The following PROSER2 variants were observed in gnomAD, a reference collection of about 807,000 sequenced individuals.
PROSER2 encodes the protein proline and serine rich 2, also known as proline and serine-rich protein 2.
A neutral mutation model predicts 14.6 loss-of-function variants in PROSER2; 18 were observed. That is an observed-to-expected ratio of 1.23 (90% CI 0.85 to 1.83). The LOEUF is 1.83. PROSER2 is among the 40% of genes most tolerant of loss of function. The pLI is 0.00. For synonymous variants in PROSER2, 367 were observed against 286.4 expected (o/e 1.28, Z -2.84); for missense variants, 823 against 629.8 (o/e 1.31, Z -3.28).
At position 11,828,786 on chromosome 10, in the gene PROSER2, C is replaced by G. The variant is rs11257348; in HGVS notation, c.-82+5316C>G. On this transcript the variant is annotated intron_variant, in intron 1 of 3. Transcript: ENST00000277570. ...TTGAGTTCCTAACACGCTGGGAATACGGAGGTGACTAAGGCAGTGTGGGCC... is the reference window on the plus strand; with the variant it reads ...TTGAGTTCCTAACACGCTGGGAATAGGGAGGTGACTAAGGCAGTGTGGGCC... Among the ~76,000 whole-genome samples, 3 of 152,056 alleles carry G rather than the reference C, an allele frequency of 2.0e-5. No homozygotes were observed. In the East Asian group the frequency reaches 5.8e-4, roughly 29 times the overall value.
intron 1 of PROSER2, among the ~76,000 whole-genome samples, chr10:11,847,699 G>T (rs11257358): frequency 0.22 from 32,995 of 152,122 alleles, 3,742 homozygotes; most frequent in Middle Eastern, 0.31. Flanking sequence ...GATTACAGGC[G>T]TGAGCCACCA....
In PROSER2 at chr10:11,870,674, A is replaced by C; in HGVS notation, c.*268A>C. ...TTTCCCAAGAACTGAGAGAGAGAGA[A>C]TAACCTGTTAGACCCATAGGTTTCC... is the stretch of plus-strand genomic sequence containing the variant. On this transcript the variant is annotated 3_prime_UTR_variant, in exon 4 of 4. Transcript: ENST00000277570. 2.5e-6 allele frequency: 1 copy of C among 402,364 alleles called. No individual in the cohort carries two copies. The highest frequency in any genetic ancestry group is 4.6e-6 in the Non-Finnish European group (1 of 218,120). 24.9% of individuals were successfully genotyped at this position (402,364 alleles called of 1,614,324 possible).
At chr10:11,833,732 T>C (rs1312239979) in intron 1 of PROSER2, among the ~76,000 whole-genome samples, 1 of 152,056 alleles carries the variant, frequency 6.6e-6, no homozygotes, top group Non-Finnish European at 1.5e-5. Context: ...GAGTTTATCG[T>C]CTAATGGAGG....
In PROSER2 at chr10:11,870,002, G is replaced by A. The variant is rs953559219; in HGVS notation, c.904G>A (p.Ala302Thr). The A allele has an allele frequency of 6.4e-6, 8 of 1,253,096 alleles. No individual in the cohort carries two copies. The highest frequency in any genetic ancestry group is 6.0e-5 in the South Asian group (2 of 33,546). 77.6% of individuals were successfully genotyped at this position (1,253,096 alleles called of 1,614,324 possible). Residue 302 changes from alanine to threonine, a missense_variant, in exon 4 of 4, where the codon GCC becomes ACC. Ala to Thr is a moderately conservative substitution (Grantham distance 58). Coordinates refer to ENST00000277570, the MANE Select transcript of PROSER2 (RefSeq NM_153256.4). ...CGGCGCCTTCCCCGCCGCGGGGGAC[G>A]CCGGCGAGGGGGCCCCAGGGGGCGG... is the stretch of plus-strand genomic sequence containing the variant. Reference protein sequence around the residue: ...HAGAFPAAGDAGEGAPGGGSS... With the variant: ...HAGAFPAAGDTGEGAPGGGSS...
In PROSER2 at chr10:11,870,142, G is replaced by T. The variant is rs1281098919; in HGVS notation, c.1044G>T (p.Ala348=). The T allele has an allele frequency of 1.4e-6, 2 of 1,416,744 alleles. No individual in the cohort carries two copies. Among genetic ancestry groups the T allele is most frequent in the African/African-American group, 1.5e-5 (1 of 66,190 alleles). 87.8% of individuals were successfully genotyped at this position (1,416,744 alleles called of 1,614,324 possible). A position where few individuals can be genotyped will look rare whatever the true frequency, so the allele number is the denominator to read the frequency against. Residue 348 remains alanine, a synonymous_variant, in exon 4 of 4, where the codon GCG becomes GCT. Transcript: ENST00000277570. Reference sequence around the variant, plus strand: ...CGCTGGCCAACGGCTTCCCAAGTGCGCACGAGGCCCTGAAGAGCGCACCCA... The same window carrying T: ...CGCTGGCCAACGGCTTCCCAAGTGCTCACGAGGCCCTGAAGAGCGCACCCA... ...GPALANGFPS[A]HEALKSAPSS... is the part of the protein sequence containing the mutation.
chr10:11,824,662 A>G (rs1388136635), intron 1 of PROSER2, among the ~76,000 whole-genome samples: 2 of 152,232 alleles, frequency 1.3e-5, no homozygotes, highest in East Asian at 1.9e-4. Flanking sequence ...CAGCGTATGT[A>G]TGGAATCTTG....
chr10:11,840,873 G>A (rs145442452), intron 1 of PROSER2, among the ~76,000 whole-genome samples: 2,858 of 136,462 alleles, frequency 0.021, 101 homozygotes, highest in African/African-American at 0.07. Context: ...TACAGTGAGC[G>A]AAGATTGCAC....
intron 1 of PROSER2, among the ~76,000 whole-genome samples, chr10:11,844,974 T>A (rs1005643635): frequency 1.3e-5 from 2 of 152,354 alleles, no homozygotes; most frequent in Non-Finnish European, 2.9e-5. Context: ...ATGTACTCTA[T>A]TTAACCAGCC....
chr10:11,845,247 C>T (rs1349975454), intron 1 of PROSER2, among the ~76,000 whole-genome samples: 2 of 152,126 alleles, frequency 1.3e-5, no homozygotes, highest in Non-Finnish European at 2.9e-5. Context: ...TATGCGGTTG[C>T]CCCCTGAGGG....
At chr10:11,844,272 T>C (rs1588488594) in intron 1 of PROSER2, among the ~76,000 whole-genome samples, 1 of 152,206 alleles carries the variant, frequency 6.6e-6, no homozygotes, top group Admixed American at 6.5e-5. Context: ...ATTACAGGTA[T>C]GAGCCACTGC....
At chr10:11,832,740 C>T (rs1021324695) in intron 1 of PROSER2, among the ~76,000 whole-genome samples, 1 of 152,124 alleles carries the variant, frequency 6.6e-6, no homozygotes. Flanking sequence ...AATAACCACA[C>T]TGATGTTAAC....
At chr10:11,832,753 G>A (rs1258767512) in intron 1 of PROSER2, among the ~76,000 whole-genome samples, 1 of 152,168 alleles carries the variant, frequency 6.6e-6, no homozygotes, top group Non-Finnish European at 1.5e-5. Context: ...ATGTTAACAT[G>A]TCTGAAACTA....
At chr10:11,842,046 A>G (rs968458986) in intron 1 of PROSER2, among the ~76,000 whole-genome samples, 2 of 151,994 alleles carry the variant, frequency 1.3e-5, no homozygotes, top group Non-Finnish European at 2.9e-5. Context: ...AACATGTGGA[A>G]CCCCATCTCT....
chr10:11,832,497 A>G (rs947902017), intron 1 of PROSER2, among the ~76,000 whole-genome samples: 3 of 152,152 alleles, frequency 2.0e-5, no homozygotes, highest in African/African-American at 7.2e-5. Context: ...GACATGGATT[A>G]CCTGTTAATA....
At chr10:11,858,510 C>G (rs890526795) in intron 2 of PROSER2, among the ~76,000 whole-genome samples, 1 of 152,158 alleles carries the variant, frequency 6.6e-6, no homozygotes, top group Non-Finnish European at 1.5e-5. Context: ...GGACTTTGTT[C>G]TCTACGTGGG....
Position 11,830,138 on chromosome 10 carries a change from A to T in PROSER2, c.-82+6668A>T, listed in dbSNP as rs1373211751. 1.3e-5 allele frequency among the ~76,000 whole-genome samples: 2 copies of T among 152,090 alleles called. No homozygotes were observed. Among genetic ancestry groups the T allele is most frequent in the Admixed American group, 6.6e-5 (1 of 15,264 alleles). Reference sequence around the variant, plus strand: ...GATTACAGGTGTGAGCCACTGTGCCAGCCACAATAGGCAGTTTTTCAGCCC... The same window carrying T: ...GATTACAGGTGTGAGCCACTGTGCCTGCCACAATAGGCAGTTTTTCAGCCC... On this transcript the variant is annotated intron_variant, in intron 1 of 3. Transcript: ENST00000277570. This position sits in a 1 kb window ranked among gnomAD's most constrained non-coding sequence, Gnocchi z 4.5.
chr10:11,829,369 GA>G (rs1277356814), intron 1 of PROSER2, among the ~76,000 whole-genome samples: 1 of 151,446 alleles, frequency 6.6e-6, no homozygotes, highest in East Asian at 1.9e-4. Context: ...AGGATTGCTT[GA>G]ACCCAGGAGT....
chr10:11,843,048 C>T (rs1238013858), intron 1 of PROSER2, among the ~76,000 whole-genome samples: 1 of 147,430 alleles, frequency 6.8e-6, no homozygotes, highest in Non-Finnish European at 1.5e-5. Context: ...TTACACCATT[C>T]TCCTGCCTCA....
At chr10:11,843,685 CAAAAAA>C (rs369244388) in intron 1 of PROSER2, among the ~76,000 whole-genome samples, 2 of 113,248 alleles carry the variant, frequency 1.8e-5, no homozygotes, top group Non-Finnish European at 3.8e-5. Flanking sequence ...GACTCTGTCT[CAAAAAA>C]AAAAAAAAAA....
Sources: gnomAD v4.1 joint callset for allele counts (sites outside exome capture counted in the v4.1 genomes callset) on GRCh38, gnomAD v4.1.1 for gene constraint, Gnocchi (gnomAD v3.1) non-coding constraint, MANE v1.5 for transcripts, NCBI Gene and HGNC (gene_info 2026-07-23, HGNC 2026-07-21) for gene names.